GAS2: variants seen among roughly 807,000 people sequenced by gnomAD.
The protein encoded by GAS2 is growth arrest-specific protein 2.
A neutral mutation model predicts 37.5 loss-of-function variants in GAS2; 20 were observed. The observed-to-expected ratio is 0.53, with a 90% CI of 0.37 to 0.77. The LOEUF is 0.77. Ranked by LOEUF, GAS2 falls within the 30% of genes least tolerant of loss-of-function variation. GAS2 has a pLI of 0.00. For missense variants in GAS2, 336 were observed against 373.4 expected (o/e 0.90, Z 0.82); for synonymous variants, 144 against 132.2 (o/e 1.09, Z -0.61).
At chr11:22,695,236 C>T (rs1412987540) in intron 3 of GAS2, among the ~76,000 whole-genome samples, 1 of 152,068 alleles carries the variant, frequency 6.6e-6, no homozygotes. Context: ...AGGAGAATCA[C>T]TTGAACCTGG....
intron 1 of GAS2, among the ~76,000 whole-genome samples, chr11:22,657,319 T>C (rs1004561385): frequency 2.0e-5 from 3 of 152,202 alleles, no homozygotes; most frequent in Non-Finnish European, 4.4e-5. Flanking sequence ...CAGCTATGTA[T>C]GGCAAACAAG....
chr11:22,734,347 A>AAATTGACT (rs1852634139), intron 4 of GAS2, among the ~76,000 whole-genome samples: 1 of 151,734 alleles, frequency 6.6e-6, no homozygotes, highest in Non-Finnish European at 1.5e-5. Flanking sequence ...CATGTTGGCC[A>AAATTGACT]AATTGACTCA....
chr11:22,701,802 C>A (rs1230794349), intron 3 of GAS2, among the ~76,000 whole-genome samples: 1 of 152,120 alleles, frequency 6.6e-6, no homozygotes, highest in African/African-American at 2.4e-5. Context: ...GCACTCCAGC[C>A]TGGACAATGG....
At chr11:22,688,984 C>CAGA (rs1850103923) in intron 3 of GAS2, among the ~76,000 whole-genome samples, 1 of 152,058 alleles carries the variant, frequency 6.6e-6, no homozygotes. Flanking sequence ...ATGTCCTTTG[C>CAGA]AGAAACATGG....
chr11:22,744,453 A>T (rs1853262657), intron 5 of GAS2, among the ~76,000 whole-genome samples: 1 of 152,186 alleles, frequency 6.6e-6, no homozygotes, highest in South Asian at 2.1e-4. Flanking sequence ...ATTCCCCATG[A>T]TCCAGTAGGT....
chr11:22,780,785 T>C (rs1351694522), intron 7 of GAS2, among the ~76,000 whole-genome samples: 3 of 151,928 alleles, frequency 2.0e-5, no homozygotes, highest in Non-Finnish European at 4.4e-5. Context: ...GTTCTGTGTC[T>C]CAGGCAAAAA....
intron 7 of GAS2, among the ~76,000 whole-genome samples, chr11:22,803,711 T>C (rs1012388238): frequency 1.3e-5 from 2 of 152,118 alleles, no homozygotes; most frequent in African/African-American, 4.8e-5. Context: ...AGAAGTATTA[T>C]ATGATAACAG....
At chr11:22,727,283 T>C (rs1852261686) in intron 4 of GAS2, among the ~76,000 whole-genome samples, 1 of 152,080 alleles carries the variant, frequency 6.6e-6, no homozygotes, top group African/African-American at 2.4e-5. Context: ...AACTTCGCTT[T>C]CTTTTTGCCT....
intron 7 of GAS2, 29 bp downstream of exon 7, chr11:22,755,982 T>G: frequency 1.4e-6 from 2 of 1,469,074 alleles, no homozygotes; most frequent in South Asian, 2.4e-5. Context: ...CTTATCTTGT[T>G]TTTATGGGAA....
At chr11:22,805,986 T>C (rs1856863921) in intron 7 of GAS2, among the ~76,000 whole-genome samples, 2 of 152,210 alleles carry the variant, frequency 1.3e-5, no homozygotes, top group African/African-American at 4.8e-5. Context: ...TGCAACCTGT[T>C]GTATCAGCAA....
At chr11:22,643,743 A>G (rs1474369409) in intron 1 of GAS2, among the ~76,000 whole-genome samples, 1 of 151,998 alleles carries the variant, frequency 6.6e-6, no homozygotes, top group African/African-American at 2.4e-5. Context: ...ACCTTTGAAT[A>G]AGAAGTTGTA....
chr11:22,775,199 A>T (rs570034827), intron 7 of GAS2, among the ~76,000 whole-genome samples: 1 of 152,202 alleles, frequency 6.6e-6, no homozygotes, highest in Non-Finnish European at 1.5e-5. Context: ...ACATGAGTAG[A>T]TTGCATTTTA....
intron 1 of GAS2, among the ~76,000 whole-genome samples, chr11:22,661,429 C>G (rs1848914624): frequency 6.6e-6 from 1 of 152,122 alleles, no homozygotes; most frequent in African/African-American, 2.4e-5. Context: ...TCCCTACTCT[C>G]TAGGACTCAC....
At chr11:22,778,457 T>G (rs1855377950) in intron 7 of GAS2, among the ~76,000 whole-genome samples, 1 of 152,214 alleles carries the variant, frequency 6.6e-6, no homozygotes, top group South Asian at 2.1e-4. Context: ...TGATTCAATG[T>G]AGAATAATAG....
intron 1 of GAS2, chr11:22,626,901 T>G (rs970179302): frequency 2.0e-5 from 3 of 152,262 alleles, no homozygotes; most frequent in Non-Finnish European, 4.4e-5. Context: ...AATTCAGATT[T>G]ATGCATTTAT....
At chr11:22,675,165 T>A (rs923385834) in intron 2 of GAS2, 151 bp downstream of exon 2, 6 of 778,706 alleles carry the variant, frequency 7.7e-6, no homozygotes, top group African/African-American at 1.8e-5. Flanking sequence ...CTGAAGCAGG[T>A]GGAAAATTTA....
intron 1 of GAS2, among the ~76,000 whole-genome samples, chr11:22,648,546 C>G (rs932737437): frequency 6.6e-6 from 1 of 152,136 alleles, no homozygotes; most frequent in Non-Finnish European, 1.5e-5. Context: ...TTGATTCTTC[C>G]TACCCATGAG....
intron 5 of GAS2, among the ~76,000 whole-genome samples, chr11:22,740,199 A>G (rs1852997498): frequency 6.6e-6 from 1 of 152,174 alleles, no homozygotes; most frequent in Admixed American, 6.6e-5. Context: ...GTCATTTTCA[A>G]GGTAATACAT....
intron 1 of GAS2, among the ~76,000 whole-genome samples, chr11:22,644,468 C>T (rs573177636): frequency 3.0e-4 from 45 of 152,270 alleles, no homozygotes; most frequent in African/African-American, 1.1e-3. Flanking sequence ...GAGGGAACCA[C>T]TCTAAGGGAA....
Sources: allele counts gnomAD v4.1 joint callset (sites outside exome capture counted in the v4.1 genomes callset), GRCh38; gene constraint gnomAD v4.1.1; transcripts MANE v1.5; gene names NCBI Gene and HGNC (gene_info 2026-07-23, HGNC 2026-07-21).